CDH18: variants seen among roughly 807,000 people sequenced by gnomAD.
CDH18 encodes cadherin-18.
In CDH18, 31 loss-of-function variants were observed where a neutral mutation model predicts 67.9. The ratio of observed to expected loss-of-function variants is 0.46; its 90% CI spans 0.34 to 0.62. The LOEUF (loss-of-function observed/expected upper bound fraction) is 0.62. Among genes scored for constraint, CDH18 ranks in the 20% least tolerant of loss-of-function variants. The pLI, the probability that CDH18 is intolerant of heterozygous loss-of-function variation, is 0.01. For missense variants in CDH18, 890 were observed against 975.5 expected, an observed-to-expected ratio of 0.91 and a Z score of 1.17; for synonymous variants, 362 against 347.2, an observed-to-expected ratio of 1.04 and a Z score of -0.48.
intron 2 of CDH18, among the ~76,000 whole-genome samples, chr5:19,953,355 T>C (rs990591913): frequency 8.5e-5 from 13 of 152,078 alleles, no homozygotes; most frequent in South Asian, 2.1e-4. Context: ...ATTAATCAAT[T>C]AAAGAACTAG....
chr5:19,968,834 T>C (rs941587539), intron 2 of CDH18, among the ~76,000 whole-genome samples: 12 of 145,498 alleles, frequency 8.2e-5, no homozygotes, highest in Admixed American at 6.7e-5. Flanking sequence ...AAAGCCAGAA[T>C]TGACAAATGG....
chr5:20,372,376 T>C (rs566092805), intron 1 of CDH18, among the ~76,000 whole-genome samples: 136 of 152,266 alleles, frequency 8.9e-4, no homozygotes, highest in African/African-American at 3.1e-3. Context: ...CCAGCTGTTT[T>C]GAAAATGCAA....
At chr5:20,170,677 G>A (rs1182972015) in intron 2 of CDH18, among the ~76,000 whole-genome samples, 1 of 152,010 alleles carries the variant, frequency 6.6e-6, no homozygotes, top group African/African-American at 2.4e-5. Context: ...CTACATAGGA[G>A]AACAAAATTT....
intron 2 of CDH18, among the ~76,000 whole-genome samples, chr5:19,933,998 G>T (rs1793980140): frequency 6.6e-6 from 1 of 151,464 alleles, no homozygotes; most frequent in African/African-American, 2.4e-5. Flanking sequence ...ATGTCTAAGA[G>T]CATCTTAAAT....
rs573059956 is a variant in CDH18 at position 19,651,312 on chromosome 5, A to T, written c.644-38711T>A. ...AAAATATTGTAGAAATAAAATTGCT[A>T]GAAAAAAATCTCTGGATTTAAAAAA... On this transcript the variant is annotated intron_variant, in intron 5 of 12. Coordinates refer to ENST00000382275, the MANE Select transcript of CDH18 (RefSeq NM_004934.5). Among the ~76,000 whole-genome samples, 8 of 152,196 alleles carry T rather than the reference A, an allele frequency of 5.3e-5. No individual in the cohort carries two copies. The South Asian group carries it at 1.7e-3, about 31-fold the overall frequency.
At chr5:19,984,877 C>G (rs538338899) in intron 1 of CDH18, among the ~76,000 whole-genome samples, 3 of 152,082 alleles carry the variant, frequency 2.0e-5, no homozygotes, top group African/African-American at 7.2e-5. Context: ...TCAAACTGTT[C>G]TCATTTTACT....
chr5:20,098,046 G>C (rs1301833759), intron 2 of CDH18, among the ~76,000 whole-genome samples: 1 of 151,382 alleles, frequency 6.6e-6, no homozygotes, highest in Non-Finnish European at 1.5e-5. Context: ...TTTTATTTTT[G>C]CCTCAAAGAA....
chr5:19,779,601 G>A (rs1338649475), intron 3 of CDH18, among the ~76,000 whole-genome samples: 1 of 152,056 alleles, frequency 6.6e-6, no homozygotes, highest in African/African-American at 2.4e-5. Flanking sequence ...CAGGGACAAA[G>A]TGGAAGGAAT....
chr5:19,597,923 T>A (rs997022021), intron 6 of CDH18, among the ~76,000 whole-genome samples: 2 of 152,202 alleles, frequency 1.3e-5, no homozygotes, highest in African/African-American at 4.8e-5. Context: ...ATTTGAGATG[T>A]AACTAAGATG....
At chr5:19,550,863 A>G (rs1410859227) in intron 8 of CDH18, among the ~76,000 whole-genome samples, 2 of 152,182 alleles carry the variant, frequency 1.3e-5, no homozygotes, top group Non-Finnish European at 2.9e-5. Flanking sequence ...TGGTTGAACT[A>G]GTTTACATTC....
At chr5:19,546,483 A>G (rs1393979035) in intron 8 of CDH18, among the ~76,000 whole-genome samples, 1 of 152,248 alleles carries the variant, frequency 6.6e-6, no homozygotes, top group Non-Finnish European at 1.5e-5. Context: ...GAACAGATAT[A>G]GAAATTTCCC....
At chr5:20,179,314 A>C (rs1177733393) in intron 2 of CDH18, among the ~76,000 whole-genome samples, 1 of 152,126 alleles carries the variant, frequency 6.6e-6, no homozygotes, top group Non-Finnish European at 1.5e-5. Flanking sequence ...AGATTAAAGA[A>C]CTTCTTCAAA....
chr5:20,352,965 A>G (rs565393863), intron 1 of CDH18, among the ~76,000 whole-genome samples: 8 of 152,326 alleles, frequency 5.3e-5, no homozygotes, highest in Admixed American at 5.2e-4. Context: ...GTAGTTATAA[A>G]CACTAATGGG....
chr5:19,642,664 C>T (rs951513454), intron 5 of CDH18, among the ~76,000 whole-genome samples: 1 of 151,816 alleles, frequency 6.6e-6, no homozygotes, highest in African/African-American at 2.4e-5. Context: ...TATTTACAAA[C>T]GTCTACCCAA....
intron 3 of CDH18, among the ~76,000 whole-genome samples, chr5:19,776,978 A>G (rs1332777640): frequency 6.6e-6 from 1 of 152,188 alleles, no homozygotes; most frequent in African/African-American, 2.4e-5. Context: ...GTATGTTTTT[A>G]TACAAGTGTT....
intron 2 of CDH18, among the ~76,000 whole-genome samples, chr5:19,882,407 TATTTTTA>T (rs1787752817): frequency 6.6e-6 from 1 of 152,202 alleles, no homozygotes; most frequent in African/African-American, 2.4e-5. Flanking sequence ...GTGGCTGTTT[TATTTTTA>T]AAGTTATGTC....
chr5:19,666,079 A>AT (rs960977743), intron 5 of CDH18, among the ~76,000 whole-genome samples: 13 of 150,714 alleles, frequency 8.6e-5, no homozygotes, highest in South Asian at 2.1e-4. Context: ...AATAAAATGT[A>AT]TTTTTTTTGA....
intron 3 of CDH18, among the ~76,000 whole-genome samples, chr5:19,763,240 T>C (rs1370574752): frequency 1.3e-5 from 2 of 152,118 alleles, no homozygotes; most frequent in East Asian, 3.9e-4. Context: ...TAGGACTTAA[T>C]GTACAAGAAA....
intron 2 of CDH18, among the ~76,000 whole-genome samples, chr5:20,167,953 T>C (rs1736419866): frequency 6.6e-6 from 1 of 152,198 alleles, no homozygotes; most frequent in East Asian, 1.9e-4. Context: ...ACTTTAAAAA[T>C]GTGTGGTGTG....
Sources: allele counts gnomAD v4.1 joint callset (sites outside exome capture counted in the v4.1 genomes callset), GRCh38; gene constraint gnomAD v4.1.1; transcripts MANE v1.5; gene names NCBI Gene and HGNC (gene_info 2026-07-23, HGNC 2026-07-21).